Variants in LIMS1 observed in about 807,000 individuals in gnomAD.
LIMS1 encodes the protein LIM zinc finger domain containing 1, also known as LIM and senescent cell antigen-like-containing domain protein 1.
Under a neutral mutation model 44.1 loss-of-function variants are expected in LIMS1, and 18 were observed. The ratio of observed to expected loss-of-function variants is 0.41; its 90% CI spans 0.28 to 0.61. The LOEUF (loss-of-function observed/expected upper bound fraction) is 0.61. Ranked by LOEUF, LIMS1 falls within the 20% of genes least tolerant of loss-of-function variation. The pLI is 0.32. For missense variants in LIMS1, 201 were observed against 422.0 expected (o/e 0.48, Z 4.59); for synonymous variants, 93 against 149.1 (o/e 0.62, Z 2.74).
chr2:108,642,987 C>G (rs1279937297), intron 1 of LIMS1, among the ~76,000 whole-genome samples: 1 of 152,110 alleles, frequency 6.6e-6, no homozygotes, highest in Non-Finnish European at 1.5e-5. Flanking sequence ...CTAGATTTGC[C>G]GCAGTAGGTC....
intron 1 of LIMS1, among the ~76,000 whole-genome samples, chr2:108,558,595 A>G (rs368469273): frequency 5.3e-5 from 8 of 152,174 alleles, no homozygotes; most frequent in South Asian, 4.2e-4. Flanking sequence ...TTGACAGTCT[A>G]TAGAGTGCAT....
At chr2:108,596,144 C>T (rs1384029240) in intron 1 of LIMS1, among the ~76,000 whole-genome samples, 2 of 151,014 alleles carry the variant, frequency 1.3e-5, no homozygotes, top group African/African-American at 4.9e-5. Flanking sequence ...GTCCCTGTAG[C>T]CATTCAGCGG....
intron 1 of LIMS1, among the ~76,000 whole-genome samples, chr2:108,578,587 A>ATTTT (rs575139291): frequency 6.0e-4 from 60 of 100,748 alleles, no homozygotes; most frequent in Non-Finnish European, 7.4e-4. Context: ...AATGTAAATA[A>ATTTT]TTTTTTTTTT....
At chr2:108,573,043 CTA>C (rs2104635930) in intron 1 of LIMS1, among the ~76,000 whole-genome samples, 1 of 152,284 alleles carries the variant, frequency 6.6e-6, no homozygotes, top group African/African-American at 2.4e-5. Context: ...ACTTTCTAGT[CTA>C]TTGTTAAGTG....
intron 1 of LIMS1, among the ~76,000 whole-genome samples, chr2:108,600,572 C>T (rs544765691): frequency 1.1e-3 from 163 of 152,278 alleles, no homozygotes; most frequent in African/African-American, 3.7e-3. Flanking sequence ...GGTCTAGTTT[C>T]ATTCTTCTGC....
At chr2:108,621,476 A>G (rs1006170936) in intron 1 of LIMS1, 40 of 1,537,750 alleles carry the variant, frequency 2.6e-5, no homozygotes, top group Non-Finnish European at 3.4e-5. Flanking sequence ...GTGCAAAGTC[A>G]TGGTTGGCTA....
intron 1 of LIMS1, among the ~76,000 whole-genome samples, chr2:108,542,669 A>G (rs984604868): frequency 1.3e-5 from 2 of 152,274 alleles, no homozygotes; most frequent in African/African-American, 4.8e-5. Context: ...TGCCAACCAT[A>G]CCACAGTCCT....
intron 1 of LIMS1, among the ~76,000 whole-genome samples, chr2:108,634,495 C>G (rs955540654): frequency 1.3e-5 from 2 of 152,216 alleles, no homozygotes; most frequent in Non-Finnish European, 2.9e-5. Flanking sequence ...CAGAACATTG[C>G]CCCTACCACT....
rs182619908 is a variant in LIMS1 at position 108,620,972 on chromosome 2, T to G, written c.33-38633T>G. ...CAAATAAAACAGCAGGACCCTTCTTTAGCGACTACCTTACTGGAGCTTTTT... is the reference window on the plus strand; with the variant it reads ...CAAATAAAACAGCAGGACCCTTCTTGAGCGACTACCTTACTGGAGCTTTTT... On this transcript the variant is annotated intron_variant, in intron 1 of 9. Coordinates refer to ENST00000544547, the Ensembl canonical transcript of LIMS1. Among the ~76,000 whole-genome samples the G allele has an allele frequency of 8.8e-4, 134 of 152,342 alleles. 1 individual carries two copies. Among genetic ancestry groups the G allele is most frequent in the Admixed American group, 1.4e-3 (22 of 15,310 alleles).
At position 108,667,440 on chromosome 2, in the gene LIMS1, T is replaced by G. The variant is rs1032309880; in HGVS notation, c.193-3341T>G. 8.0e-4 allele frequency among the ~76,000 whole-genome samples: 122 copies of G among 151,934 alleles called. 1 individual carries two copies. The highest frequency in any genetic ancestry group is 2.9e-3 in the African/African-American group (121 of 41,342). ...AGGCAGTCTGGATCCATGGTCAGTG[T>G]TCTTGACTCCTACCTGTCTTGTTAA... On this transcript the variant is annotated intron_variant, in intron 2 of 9. Coordinates refer to ENST00000544547, the Ensembl canonical transcript of LIMS1.
intron 3 of LIMS1, among the ~76,000 whole-genome samples, chr2:108,671,840 AAT>A (rs1355975432): frequency 3.9e-5 from 6 of 152,194 alleles, no homozygotes; most frequent in Non-Finnish European, 8.8e-5. Context: ...ATTCAGATGA[AAT>A]AAAACTTTTT....
At chr2:108,547,213 C>G (rs1212255049) in intron 1 of LIMS1, among the ~76,000 whole-genome samples, 1 of 152,158 alleles carries the variant, frequency 6.6e-6, no homozygotes, top group Non-Finnish European at 1.5e-5. Context: ...TAGGCCAAGT[C>G]CTGTTGTGGA....
chr2:108,674,187 G>A (rs925565349), intron 5 of LIMS1, among the ~76,000 whole-genome samples: 28 of 151,706 alleles, frequency 1.8e-4, no homozygotes, highest in Non-Finnish European at 2.9e-4. Flanking sequence ...AAAATTAGCC[G>A]GGCACGGTGG....
At chr2:108,533,990 C>T (rs1231665707), upstream of LIMS1, 2 of 153,094 alleles carry the variant, frequency 1.3e-5, no homozygotes, top group African/African-American at 4.8e-5. Context: ...GTAGCTCCCA[C>T]CCCCGGGACG....
rs1451393900 is a variant in LIMS1 at position 108,586,774 on chromosome 2, C to A, written c.32+52180C>A. On this transcript the variant is annotated intron_variant, in intron 1 of 9. Coordinates refer to ENST00000544547, the Ensembl canonical transcript of LIMS1. ...TTTGGGGCTGTAGCTCAGAAGACTT[C>A]CATTCTCTTTTCCCTCTCCCAAGAG... 2.6e-5 allele frequency among the ~76,000 whole-genome samples: 4 copies of A among 152,256 alleles called. No homozygotes were observed. In the South Asian group the frequency reaches 8.3e-4, roughly 32 times the overall value.
At position 108,599,530 on chromosome 2, in the gene LIMS1, G is replaced by A. The variant is rs180854380; in HGVS notation, c.33-60075G>A. On this transcript the variant is annotated intron_variant, in intron 1 of 9. Coordinates refer to ENST00000544547, the Ensembl canonical transcript of LIMS1. ...TTGATATACTGATTTCCTTTCTTTA[G>A]TTTATATCCCCAGCAGTGGGAGTGC... Among the ~76,000 whole-genome samples the A allele has an allele frequency of 1.7e-4, 26 of 152,216 alleles. 1 individual carries two copies. Among genetic ancestry groups the A allele is most frequent in the Middle Eastern group, 3.4e-3 (1 of 294 alleles).
intron 1 of LIMS1, among the ~76,000 whole-genome samples, chr2:108,636,895 T>C (rs961603143): frequency 2.6e-5 from 4 of 152,118 alleles, no homozygotes; most frequent in African/African-American, 9.7e-5. Context: ...AGCCTGGTTG[T>C]AGCTGGGCAG....
Position 108,637,099 on chromosome 2 carries a change from ATGTGTGTGTG to A in LIMS1, c.33-22468_33-22459del, listed in dbSNP as rs74315160. Among the ~76,000 whole-genome samples the A allele has an allele frequency of 3.4e-3, 340 of 98,602 alleles. 3 individuals are homozygous for A. Among genetic ancestry groups the A allele is most frequent in the African/African-American group, 7.6e-3 (234 of 30,882 alleles). 64.7% of individuals were successfully genotyped at this position (98,602 alleles called of 152,430 possible). A position where few individuals can be genotyped will look rare whatever the true frequency, so the allele number is the denominator to read the frequency against. ...TTTAAATTCAGCAAAATATACATAT[ATGTGTGTGTG>A]TGTGTGTGTGTGTGTGTGTGTGTGT... On this transcript the variant is annotated intron_variant, in intron 1 of 9. Coordinates refer to ENST00000544547, the Ensembl canonical transcript of LIMS1.
At chr2:108,550,871 A>C (rs1573309471) in intron 1 of LIMS1, among the ~76,000 whole-genome samples, 1 of 151,918 alleles carries the variant, frequency 6.6e-6, no homozygotes, top group Non-Finnish European at 1.5e-5. Context: ...CTGTAATCCC[A>C]GCACTTTGGG....
Sources: allele counts gnomAD v4.1 joint callset (sites outside exome capture counted in the v4.1 genomes callset), GRCh38; gene constraint gnomAD v4.1.1; transcripts MANE v1.5; gene names NCBI Gene and HGNC (gene_info 2026-07-23, HGNC 2026-07-21).